Variants in ACSM2B observed in about 807,000 individuals in gnomAD.
The protein encoded by ACSM2B is acyl-CoA synthetase medium chain family member 2B.
ACSM2B carries 58 observed loss-of-function variants against 78.6 expected under a neutral mutation model. The observed-to-expected ratio is 0.74, with a 90% CI of 0.60 to 0.92. The LOEUF (loss-of-function observed/expected upper bound fraction) is 0.92, where lower values mean the gene tolerates loss of function less well. Among genes scored for constraint, ACSM2B ranks in the 40% least tolerant of loss-of-function variants. The pLI is 0.00. For missense variants in ACSM2B, 688 were observed against 711.2 expected, an observed-to-expected ratio of 0.97 and a Z score of 0.37; for synonymous variants, 257 against 256.8, an observed-to-expected ratio of 1.00 and a Z score of -0.01.
At chr16:20,562,757 G>C (rs1202402415) in intron 2 of ACSM2B, among the ~76,000 whole-genome samples, 1 of 152,130 alleles carries the variant, frequency 6.6e-6, no homozygotes, top group Non-Finnish European at 1.5e-5. Context: ...TACTGCTTAG[G>C]AGTCATGTAA....
chr16:20,576,208 T>A lies in ACSM2B; in HGVS notation c.-10A>T, dbSNP rs1030267191. On this transcript the variant is annotated splice_region_variant and 5_prime_UTR_variant, in exon 1 of 14. Coordinates refer to ENST00000329697, the MANE Select transcript of ACSM2B (RefSeq NM_001105069.2). Reference sequence around the variant, plus strand: ...CCCATTCCTTGAAACAGTGCTCACCTGCCAAGTCCTCTCAGGATGTCTTTC... The same window carrying A: ...CCCATTCCTTGAAACAGTGCTCACCAGCCAAGTCCTCTCAGGATGTCTTTC... 6.6e-6 allele frequency: 1 copy of A among 151,750 alleles called. No individual in the cohort carries two copies. Among genetic ancestry groups the A allele is most frequent in the Non-Finnish European group, 1.5e-5 (1 of 68,054 alleles). The allele number at this position is 151,750 out of a possible 1,614,324, so 9.4% of individuals were successfully genotyped here. A position where few individuals can be genotyped will look rare whatever the true frequency, so the allele number is the denominator to read the frequency against.
chr16:20,542,996 G>C lies in ACSM2B; in HGVS notation c.1427C>G (p.Ser476Trp). 1.2e-6 allele frequency: 2 copies of C among 1,613,534 alleles called. No individual in the cohort carries two copies. The highest frequency in any genetic ancestry group is 2.2e-5 in the South Asian group (2 of 91,058). The change falls in exon 12 of 14, where the codon TCG (serine) becomes TGG (tryptophan). Residue 476 changes from serine (S) to tryptophan (W), a missense_variant. Transcript: ENST00000329697. The stretch of plus-strand genomic sequence containing the variant: ...CTTCATCAGTGCATTCTCTACCTCC[G>C]AGGGTCCAATCCGGTACCTGCAGAA... ...INSSGYRIGP[S>W]EVENALMKHP...
In ACSM2B at chr16:20,537,316, T is replaced by A. The variant is rs1421501941; in HGVS notation, c.1676A>T (p.Gln559Leu). 6.2e-7 allele frequency: 1 copy of A among 1,614,000 alleles called. No individual in the cohort carries two copies. The highest frequency in any genetic ancestry group is 8.5e-7 in the Non-Finnish European group (1 of 1,179,916). Reference protein sequence around the residue: ...NLPKTVTGKIQRTKLRDKEWK... With the variant: ...NLPKTVTGKILRTKLRDKEWK... ...CTCCTTGTCTCGAAGTTTGGTTCGT[T>A]GAATTTTCCCTGTGACAGTCTTGGG... is the stretch of plus-strand genomic sequence containing the variant. The change falls in exon 14 of 14, where the codon CAA (glutamine) becomes CTA (leucine). Residue 559 changes from glutamine to leucine, a missense_variant. Transcript: ENST00000329697.
At chr16:20,571,877 A>G (rs1259063225) in intron 1 of ACSM2B, among the ~76,000 whole-genome samples, 1 of 151,502 alleles carries the variant, frequency 6.6e-6, no homozygotes, top group Admixed American at 6.6e-5. Flanking sequence ...TTTGTCTGTT[A>G]TAAATATAGC....
chr16:20,540,592 A>C, intron 13 of ACSM2B, 62 bp downstream of exon 13: 1 of 1,594,048 alleles, frequency 6.3e-7, no homozygotes, highest in South Asian at 1.1e-5. Flanking sequence ...GAAGAAGATA[A>C]ATATAACAGG....
intron 1 of ACSM2B, among the ~76,000 whole-genome samples, chr16:20,567,816 A>G (rs2015973150): frequency 7.1e-6 from 1 of 141,666 alleles, no homozygotes; most frequent in South Asian, 2.1e-4. Context: ...TATGGTATGT[A>G]TAGATATATA....
At chr16:20,541,018 C>A in intron 12 of ACSM2B, 2 of 345,312 alleles carry the variant, frequency 5.8e-6, no homozygotes, top group Non-Finnish European at 1.0e-5. Context: ...GCTCCAAGGA[C>A]AACAGAGACA....
intron 3 of ACSM2B, 85 bp downstream of exon 3, chr16:20,559,152 C>A (rs1281720398): frequency 2.7e-5 from 40 of 1,491,516 alleles, no homozygotes; most frequent in Non-Finnish European, 3.5e-5. Context: ...GCAGAGACTT[C>A]TTTTGAGAGA....
rs1415655883 is a variant in ACSM2B at position 20,546,462 on chromosome 16, T to C, written c.1111A>G (p.Met371Val). 3 of 1,606,618 alleles carry C rather than the reference T, an allele frequency of 1.9e-6. No individual in the cohort carries two copies. The African/African-American group carries it at 4.0e-5, about 22-fold the overall frequency. Residue 371 changes from methionine to valine, a missense_variant, in exon 9 of 14, where the codon ATG (methionine) becomes GTG (valine). By Grantham distance (21) the Met-to-Val change is conservative (BLOSUM62 1). Coordinates refer to ENST00000329697, the MANE Select transcript of ACSM2B (RefSeq NM_001105069.2). The stretch of plus-strand genomic sequence containing the variant: ...TTGATTTTCATTGTCTTGGAAACCA[T>C]GCAAGTTAATCCCTGTGGAAAGAAG... ...YGQTETGLTCMVSKTMKIKPG... is the reference protein window; with the variant it reads ...YGQTETGLTCVVSKTMKIKPG...
chr16:20,574,554 T>C (rs1483802910), intron 1 of ACSM2B: 3 of 151,692 alleles, frequency 2.0e-5, no homozygotes, highest in Non-Finnish European at 4.4e-5. Context: ...AAGTATTAAT[T>C]TTGGGAAGTG....
intron 13 of ACSM2B, among the ~76,000 whole-genome samples, chr16:20,538,529 CTGTT>C (rs1336677322): frequency 6.6e-6 from 1 of 152,044 alleles, no homozygotes; most frequent in Non-Finnish European, 1.5e-5. Flanking sequence ...GGAAGCTACT[CTGTT>C]TGTCATGAAG....
rs763271684 is a variant in ACSM2B at position 20,564,871 on chromosome 16, G to C, written c.-8-18C>G. 1.9e-6 allele frequency: 3 copies of C among 1,592,508 alleles called. No homozygotes were observed. Among genetic ancestry groups the C allele is most frequent in the Non-Finnish European group, 2.6e-6 (3 of 1,168,440 alleles). ...GTTCAGGCCTGTAAAAGAAAGAAGA[G>C]ACACAGGTAAGAGCTTCTTTAACAG... On this transcript the variant is annotated intron_variant, in intron 1 of 13. Coordinates refer to ENST00000329697, the MANE Select transcript of ACSM2B (RefSeq NM_001105069.2).
intron 6 of ACSM2B, among the ~76,000 whole-genome samples, chr16:20,549,269 C>T (rs1363670602): frequency 6.6e-6 from 1 of 152,030 alleles, no homozygotes; most frequent in Non-Finnish European, 1.5e-5. Flanking sequence ...TAACTGAGTA[C>T]CCGAGACAGA....
At chr16:20,540,042 G>A (rs557221435) in intron 13 of ACSM2B, among the ~76,000 whole-genome samples, 104 of 152,234 alleles carry the variant, frequency 6.8e-4, no homozygotes, top group Middle Eastern at 3.4e-3. Context: ...GAATACTATA[G>A]CAAGAACCCA....
chr16:20,575,890 C>A (rs2016236104), intron 1 of ACSM2B: 1 of 151,512 alleles, frequency 6.6e-6, no homozygotes, highest in African/African-American at 2.4e-5. Flanking sequence ...TCTCTTTTTC[C>A]ATAATAAGCT....
chr16:20,547,446 G>A (rs1015909395), intron 8 of ACSM2B: 1 of 983,748 alleles, frequency 1.0e-6, no homozygotes, highest in African/African-American at 1.7e-5. Context: ...GGCAAGAAGT[G>A]CTGAGAGTCA....
intron 13 of ACSM2B, 22 bp downstream of exon 13, chr16:20,540,632 C>T: frequency 1.2e-6 from 2 of 1,611,706 alleles, no homozygotes; most frequent in Non-Finnish European, 1.7e-6. Flanking sequence ...GTTTGAGTGA[C>T]TTGGGAGCTC....
chr16:20,562,708 A>G (rs1596729719), intron 2 of ACSM2B, among the ~76,000 whole-genome samples: 1 of 152,176 alleles, frequency 6.6e-6, no homozygotes, highest in African/African-American at 2.4e-5. Flanking sequence ...AGCTATAAGC[A>G]TAGTTAAGCA....
chr16:20,543,579 T>C (rs1436827403), intron 10 of ACSM2B, among the ~76,000 whole-genome samples: 3 of 152,214 alleles, frequency 2.0e-5, no homozygotes, highest in South Asian at 2.1e-4. Context: ...TTCATAGATA[T>C]CCTAATCTCT....
Sources: gnomAD v4.1 joint callset for allele counts (sites outside exome capture counted in the v4.1 genomes callset) on GRCh38, gnomAD v4.1.1 for gene constraint, MANE v1.5 for transcripts, NCBI Gene and HGNC (gene_info 2026-07-23, HGNC 2026-07-21) for gene names.